FARS2: variants seen among roughly 807,000 people sequenced by gnomAD.
FARS2 encodes phenylalanyl-tRNA synthetase 2, mitochondrial.
FARS2 carries 40 observed loss-of-function variants against 46.4 expected under a neutral mutation model. The ratio of observed to expected loss-of-function variants is 0.86; its 90% CI spans 0.67 to 1.12. FARS2 has a LOEUF of 1.12. Among genes scored for constraint, FARS2 ranks in the 50% most tolerant of loss-of-function variants. FARS2 has a pLI of 0.00. For missense variants in FARS2, 513 were observed against 567.9 expected, an observed-to-expected ratio of 0.90 and a Z score of 0.98; for synonymous variants, 234 against 214.9, an observed-to-expected ratio of 1.09 and a Z score of -0.78.
intron 5 of FARS2, among the ~76,000 whole-genome samples, chr6:5,555,651 C>T (rs915752741): frequency 2.0e-5 from 3 of 152,078 alleles, no homozygotes. Flanking sequence ...AGAATCGCAT[C>T]GGCTTCATTG....
At chr6:5,354,174 A>G (rs1757767569) in intron 1 of FARS2, among the ~76,000 whole-genome samples, 2 of 152,132 alleles carry the variant, frequency 1.3e-5, no homozygotes, top group South Asian at 4.1e-4. Flanking sequence ...CTAAAACCAG[A>G]CACCATATTC....
upstream of FARS2, chr6:5,260,900 G>C (rs1034892894): frequency 8.7e-5 from 121 of 1,396,260 alleles, no homozygotes; most frequent in Non-Finnish European, 1.0e-4. Flanking sequence ...GCGGATCGCG[G>C]ACGGCGCCAG....
chr6:5,324,443 C>CT (rs745311767), intron 1 of FARS2, among the ~76,000 whole-genome samples: 3,262 of 88,214 alleles, frequency 0.037, 65 homozygotes, highest in Non-Finnish European at 0.048. Context: ...AGACTATTTG[C>CT]TTTTTTTTTT....
At chr6:5,572,619 C>T (rs200469230) in intron 5 of FARS2, among the ~76,000 whole-genome samples, 1 of 152,122 alleles carries the variant, frequency 6.6e-6, no homozygotes, top group South Asian at 2.1e-4. Context: ...CCACCCCAAG[C>T]CCGTAACAAG....
At chr6:5,563,130 G>A (rs567884899) in intron 5 of FARS2, among the ~76,000 whole-genome samples, 16 of 152,200 alleles carry the variant, frequency 1.1e-4, no homozygotes, top group African/African-American at 2.6e-4. Context: ...CACCTGCCAC[G>A]TATACCAGCC....
chr6:5,371,298 C>T (rs1237106222), intron 2 of FARS2: 1 of 335,606 alleles, frequency 3.0e-6, no homozygotes, highest in Non-Finnish European at 4.2e-6. Flanking sequence ...TCAGTTTATT[C>T]CCCTATGAAT....
chr6:5,324,605 G>GTTGAGCCCT (rs1004024018), intron 1 of FARS2, among the ~76,000 whole-genome samples: 4 of 152,026 alleles, frequency 2.6e-5, no homozygotes, highest in African/African-American at 9.7e-5. Flanking sequence ...TGAAGAAACA[G>GTTGAGCCCT]TTGAGCCCTT....
chr6:5,719,305 C>CAT (rs1028124253), intron 6 of FARS2, among the ~76,000 whole-genome samples: 6 of 149,266 alleles, frequency 4.0e-5, no homozygotes, highest in African/African-American at 1.5e-4. Context: ...ATCTCTTGGG[C>CAT]TGAATGGTCA....
At chr6:5,626,311 G>A (rs529073348) in intron 6 of FARS2, among the ~76,000 whole-genome samples, 3 of 152,180 alleles carry the variant, frequency 2.0e-5, no homozygotes, top group Non-Finnish European at 4.4e-5. Context: ...CAAGTGCATC[G>A]CCACCTACCT....
At chr6:5,647,654 A>G (rs1025933045) in intron 6 of FARS2, among the ~76,000 whole-genome samples, 2 of 152,268 alleles carry the variant, frequency 1.3e-5, no homozygotes, top group Non-Finnish European at 2.9e-5. Context: ...CTTGTGTTTT[A>G]TATGTCAAGC....
intron 5 of FARS2, among the ~76,000 whole-genome samples, chr6:5,575,378 G>A (rs1252834436): frequency 6.6e-6 from 1 of 152,160 alleles, no homozygotes; most frequent in Non-Finnish European, 1.5e-5. Flanking sequence ...ATGAATTAGT[G>A]CACGCAGAAT....
At chr6:5,477,001 A>G (rs538534465) in intron 4 of FARS2, among the ~76,000 whole-genome samples, 12 of 152,340 alleles carry the variant, frequency 7.9e-5, no homozygotes, top group African/African-American at 2.6e-4. Context: ...GACTACTTTT[A>G]TAATCAGAAG....
Position 5,471,792 on chromosome 6 carries a change from TGC to T in FARS2, c.904+40623_904+40624del, listed in dbSNP as rs1765819070. On this transcript the variant is annotated intron_variant, in intron 4 of 6. Coordinates refer to ENST00000274680, the MANE Select transcript of FARS2 (RefSeq NM_006567.5). This position sits in a 1 kb window ranked among gnomAD's most constrained non-coding sequence, Gnocchi z 4.1. ...GGTCTTGTCCCACCAGTGCACATGGTGCGCCCCGTCTGACACCAGGGCGACTT... is the reference window on the plus strand; with the variant it reads ...GGTCTTGTCCCACCAGTGCACATGGTGCCCCGTCTGACACCAGGGCGACTT... Among the ~76,000 whole-genome samples, 1 of 152,160 alleles carries T rather than the reference TGC, an allele frequency of 6.6e-6. No homozygotes were observed. Among genetic ancestry groups the T allele is most frequent in the South Asian group, 2.1e-4 (1 of 4,822 alleles).
At chr6:5,426,585 GA>G (rs956165904) in intron 3 of FARS2, among the ~76,000 whole-genome samples, 10 of 152,114 alleles carry the variant, frequency 6.6e-5, no homozygotes, top group African/African-American at 2.4e-4. Context: ...CACTACCAAT[GA>G]TTTTTTTAAA....
At chr6:5,589,280 C>G (rs1404761572) in intron 5 of FARS2, among the ~76,000 whole-genome samples, 1 of 152,162 alleles carries the variant, frequency 6.6e-6, no homozygotes, top group African/African-American at 2.4e-5. Context: ...GTCTCCTCAG[C>G]TGTGATGAGG....
At chr6:5,766,473 G>T (rs113901715) in intron 6 of FARS2, among the ~76,000 whole-genome samples, 2 of 152,346 alleles carry the variant, frequency 1.3e-5, no homozygotes, top group African/African-American at 4.8e-5. Context: ...GCCCTCTGTT[G>T]GTGGAAGGGC....
At chr6:5,543,376 G>GT (rs1224288643) in intron 4 of FARS2, among the ~76,000 whole-genome samples, 1,713 of 96,252 alleles carry the variant, frequency 0.018, 15 homozygotes, top group Non-Finnish European at 0.028. Context: ...TGTTGGTGGT[G>GT]GTTTTTTTTT....
intron 5 of FARS2, among the ~76,000 whole-genome samples, chr6:5,589,077 T>A (rs1270354950): frequency 1.3e-5 from 2 of 152,156 alleles, no homozygotes; most frequent in African/African-American, 4.8e-5. Context: ...TGGGTGTGTT[T>A]CTCAGCTTCT....
intron 6 of FARS2, among the ~76,000 whole-genome samples, chr6:5,687,609 G>A (rs1212582081): frequency 6.6e-6 from 1 of 152,234 alleles, no homozygotes; most frequent in South Asian, 2.1e-4. Context: ...TAGCCTTGCA[G>A]TATAGTTTGA....
Sources: gnomAD v4.1 joint callset for allele counts (sites outside exome capture counted in the v4.1 genomes callset) on GRCh38, gnomAD v4.1.1 for gene constraint, Gnocchi (gnomAD v3.1) non-coding constraint, MANE v1.5 for transcripts, NCBI Gene and HGNC (gene_info 2026-07-23, HGNC 2026-07-21) for gene names.